The following ECI2 variants were observed in gnomAD, a reference collection of about 807,000 sequenced individuals.
ECI2 encodes the protein enoyl-CoA delta isomerase 2, also known as D3,D2-enoyl-CoA isomerase.
In ECI2, 27 loss-of-function variants were observed where a neutral mutation model predicts 38.4. That is an observed-to-expected ratio of 0.70 (90% confidence interval 0.52 to 0.97). ECI2 has a LOEUF of 0.97. ECI2 is among the 50% of genes least tolerant of loss of function. The probability of loss-of-function intolerance (pLI) is 0.00; values close to 1 mark genes in which losing one functional copy is unlikely to be tolerated. For missense variants in ECI2, 470 were observed against 474.4 expected (o/e 0.99, Z 0.09); for synonymous variants, 168 against 172.0 (o/e 0.98, Z 0.18).
intron 2 of ECI2, among the ~76,000 whole-genome samples, chr6:4,131,627 T>C (rs977767557): frequency 1.3e-5 from 2 of 151,892 alleles, no homozygotes; most frequent in Non-Finnish European, 2.9e-5. Context: ...GAGGCTGAGG[T>C]GGGTGGATCA....
Position 4,132,005 on chromosome 6 carries a change from G to C in ECI2, c.214-1140C>G, listed in dbSNP as rs147042651. ...AACACAGTCCACAGGATAAGGGCTT[G>C]CCTTTGTCTCCTGACTGTCCTCAAT... On this transcript the variant is annotated intron_variant, in intron 2 of 9. Coordinates refer to ENST00000380118, the MANE Select transcript of ECI2 (RefSeq NM_206836.3). Among the ~76,000 whole-genome samples the C allele has an allele frequency of 2.1e-3, 320 of 152,324 alleles. 3 individuals carry two copies. The highest frequency in any genetic ancestry group is 7.2e-3 in the African/African-American group (301 of 41,564).
intron 7 of ECI2, among the ~76,000 whole-genome samples, chr6:4,122,282 G>A (rs1170703936): frequency 2.0e-5 from 3 of 150,758 alleles, no homozygotes; most frequent in East Asian, 1.9e-4. Context: ...GTGCAGTGGC[G>A]CAATCTCAAC....
At chr6:4,117,538 T>G in intron 8 of ECI2, 87 bp from the exon 9 acceptor site, 4 of 1,524,430 alleles carry the variant, frequency 2.6e-6, no homozygotes, top group Non-Finnish European at 3.5e-6. Flanking sequence ...CTTAGAGAGA[T>G]GTACTCATGG....
At chr6:4,117,185 A>T (rs1253021606) in intron 9 of ECI2, 123 bp downstream of exon 9, 1 of 1,196,522 alleles carries the variant, frequency 8.4e-7, no homozygotes, top group Non-Finnish European at 1.1e-6. Context: ...CCAAATTTAG[A>T]TGTGCTTAGA....
intron 3 of ECI2, 89 bp downstream of exon 3, chr6:4,130,678 C>A: frequency 6.2e-7 from 1 of 1,600,124 alleles, no homozygotes; most frequent in Admixed American, 1.7e-5. Flanking sequence ...ACATCAAGAT[C>A]TTGAAGACTC....
In ECI2 at chr6:4,125,291, T is replaced by G. The variant is rs549800477; in HGVS notation, c.754A>C (p.Thr252Pro). The change falls in exon 7 of 10, where the codon ACC (threonine) becomes CCC (proline). Residue 252 changes from threonine (T) to proline (P), a missense_variant. Transcript: ENST00000380118. ...VNGPAVGISV[T>P]LLGLFDAVYA... ...ACGGCATCGAATAGCCCAAGGAGGG[T>G]GACGGAGATGCCCACAGCTGGACCA... 1.2e-6 allele frequency: 2 copies of G among 1,614,062 alleles called. No individual in the cohort carries two copies. Among genetic ancestry groups the G allele is most frequent in the African/African-American group, 2.7e-5 (2 of 74,984 alleles).
At chr6:4,117,860 C>G (rs1257762053) in intron 8 of ECI2, 1 of 155,554 alleles carries the variant, frequency 6.4e-6, no homozygotes, top group African/African-American at 2.4e-5. Flanking sequence ...AAATTCCATT[C>G]TCTGGAAACT....
chr6:4,131,949 G>A (rs985241795), intron 2 of ECI2, among the ~76,000 whole-genome samples: 1 of 152,214 alleles, frequency 6.6e-6, no homozygotes, highest in South Asian at 2.1e-4. Context: ...GTGTCATCTG[G>A]CAAGAGTTGG....
rs756708728 is a variant in ECI2 at position 4,130,414 on chromosome 6, G to A, written c.459C>T (p.Ile153=). 1 of 1,614,216 alleles carries A rather than the reference G, an allele frequency of 6.2e-7. No homozygotes were observed. Among genetic ancestry groups the A allele is most frequent in the Non-Finnish European group, 8.5e-7 (1 of 1,180,046 alleles). ...VVTSEDGITK[I]MFNRPKKKNA... is the part of the protein sequence containing the mutation. ...TTTTCTTTTTGGGCCGGTTGAACAT[G>A]ATCTTTGTGATGCCATCTTCGGAGG... The change falls in exon 4 of 10, where the codon ATC becomes ATT. Residue 153 remains isoleucine, a synonymous_variant. Transcript: ENST00000380118.
At chr6:4,129,100 CCCTCCCTT>C (rs1392932476) in intron 4 of ECI2, among the ~76,000 whole-genome samples, 10 of 148,588 alleles carry the variant, frequency 6.7e-5, no homozygotes, top group Non-Finnish European at 1.2e-4. Context: ...CTCCCTCCCT[CCCTCCCTT>C]CCTCCCTTCC....
chr6:4,127,716 C>T (rs201556232), intron 5 of ECI2, 46 bp downstream of exon 5: 2 of 1,574,416 alleles, frequency 1.3e-6, no homozygotes, highest in Non-Finnish European at 1.7e-6. Context: ...ATTAAGAGGC[C>T]CCTCAAAATA....
chr6:4,121,547 G>A (rs968136767), intron 7 of ECI2, among the ~76,000 whole-genome samples: 7 of 151,988 alleles, frequency 4.6e-5, no homozygotes, highest in African/African-American at 1.2e-4. Context: ...AAAAAGTATC[G>A]TGGAGAGATC....
chr6:4,128,663 T>G (rs892652289), intron 4 of ECI2, among the ~76,000 whole-genome samples: 2 of 152,226 alleles, frequency 1.3e-5, no homozygotes, highest in Non-Finnish European at 2.9e-5. Flanking sequence ...ATACTGAACA[T>G]GTACAGGCTT....
At chr6:4,127,679 A>C in intron 5 of ECI2, 83 bp downstream of exon 5, 1 of 1,446,638 alleles carries the variant, frequency 6.9e-7, no homozygotes. Context: ...TCCAGGTCTT[A>C]GAGCTTTTTA....
chr6:4,124,736 T>G (rs1447866107), intron 7 of ECI2, among the ~76,000 whole-genome samples: 1 of 152,152 alleles, frequency 6.6e-6, no homozygotes, highest in African/African-American at 2.4e-5. Context: ...AAAACTAAAA[T>G]CTGTATAATG....
chr6:4,135,570 G>C lies in ECI2; in HGVS notation c.-10C>G, dbSNP rs1301733401. 6.3e-7 allele frequency: 1 copy of C among 1,591,252 alleles called. No individual in the cohort carries two copies. Among genetic ancestry groups the C allele is most frequent in the Non-Finnish European group, 8.5e-7 (1 of 1,170,870 alleles). On this transcript the variant is annotated 5_prime_UTR_variant, in exon 1 of 10. Transcript: ENST00000380118. The stretch of plus-strand genomic sequence containing the variant: ...AGTACGCCATCGCCATCCCTTGGGC[G>C]GCTCTAGGGCTGCGGGGGCTCGGGG...
chr6:4,132,671 C>T (rs1413957134), intron 2 of ECI2, among the ~76,000 whole-genome samples: 1 of 152,168 alleles, frequency 6.6e-6, no homozygotes, highest in Non-Finnish European at 1.5e-5. Context: ...AATTTCCAAA[C>T]ATACCAAAGT....
rs773755094 is a variant in ECI2, at chr6:4,130,762, C to T, written c.312+5G>A. 1.4e-5 allele frequency: 22 copies of T among 1,613,884 alleles called. No individual in the cohort carries two copies. Among genetic ancestry groups the T allele is most frequent in the Non-Finnish European group, 1.8e-5 (21 of 1,179,982 alleles). ...AAATAAAAGCACAGTAACTAGTAAA[C>T]TCACCTTGGGCAGGCTGCCAAGGGC... On this transcript the variant is annotated splice_donor_5th_base_variant and intron_variant, in intron 3 of 9. Transcript: ENST00000380118.
chr6:4,125,975 C>T (rs1295520327), intron 6 of ECI2, 160 bp downstream of exon 6: 7 of 697,344 alleles, frequency 1.0e-5, no homozygotes, highest in East Asian at 5.4e-5. Context: ...AATGAATGCC[C>T]ACCTATGGAT....
Sources: gnomAD v4.1 joint callset for allele counts (sites outside exome capture counted in the v4.1 genomes callset) on GRCh38, gnomAD v4.1.1 for gene constraint, MANE v1.5 for transcripts, NCBI Gene and HGNC (gene_info 2026-07-23, HGNC 2026-07-21) for gene names.